The following DLGAP2 variants were observed in gnomAD, a reference collection of about 807,000 sequenced individuals.
The protein encoded by DLGAP2 is DLG associated protein 2, also known as disks large-associated protein 2.
Under a neutral mutation model 100.3 loss-of-function variants are expected in DLGAP2, and 26 were observed. The observed-to-expected ratio is 0.26, with a 90% CI of 0.19 to 0.36. DLGAP2 has a LOEUF of 0.36. Ranked by LOEUF, DLGAP2 falls within the 10% of genes least tolerant of loss-of-function variation. The probability of loss-of-function intolerance (pLI) is 1.00; values close to 1 mark genes in which losing one functional copy is unlikely to be tolerated. For missense variants in DLGAP2, 1,858 were observed against 1,453.2 expected, an observed-to-expected ratio of 1.28 and a Z score of -4.53; for synonymous variants, 886 against 630.1, an observed-to-expected ratio of 1.41 and a Z score of -6.08.
In DLGAP2 at chr8:1,264,647, T is replaced by A. The variant is rs567232589; in HGVS notation, c.106+5764T>A. Among the ~76,000 whole-genome samples the A allele has an allele frequency of 8.9e-4, 135 of 152,152 alleles. 3 individuals carry two copies. The highest frequency in any genetic ancestry group is 2.2e-4 in the Non-Finnish European group (15 of 68,010). On this transcript the variant is annotated intron_variant, in intron 3 of 14. Coordinates refer to ENST00000637795, the MANE Select transcript of DLGAP2 (RefSeq NM_001346810.2). ...AAATCACAAACTATGTACACAGAATTCTTGACAACATAGGGGTCAAAGGAC... is the reference window on the plus strand; with the variant it reads ...AAATCACAAACTATGTACACAGAATACTTGACAACATAGGGGTCAAAGGAC...
chr8:1,147,182 G>A (rs1466476229), intron 2 of DLGAP2, among the ~76,000 whole-genome samples: 4 of 152,112 alleles, frequency 2.6e-5, no homozygotes, highest in African/African-American at 9.7e-5. Context: ...ACAGTTTTCT[G>A]TGTATTTGTG....
At chr8:1,557,730 C>T (rs1039221639) in intron 5 of DLGAP2, among the ~76,000 whole-genome samples, 10 of 152,206 alleles carry the variant, frequency 6.6e-5, no homozygotes, top group African/African-American at 1.9e-4. Context: ...GGCACGCAGA[C>T]GCCGTCCTCT....
chr8:1,452,591 G>T (rs979600616), intron 3 of DLGAP2, among the ~76,000 whole-genome samples: 38 of 152,230 alleles, frequency 2.5e-4, no homozygotes, highest in African/African-American at 9.2e-4. Flanking sequence ...AAGGGTGGAG[G>T]CAGGACACAG....
chr8:1,698,781 G>C (rs528218866), intron 14 of DLGAP2, among the ~76,000 whole-genome samples: 2 of 150,724 alleles, frequency 1.3e-5, no homozygotes, highest in East Asian at 2.0e-4. Flanking sequence ...GTTTGGGACA[G>C]GTCTGTGTAA....
In DLGAP2 at chr8:958,915, T is replaced by C. The variant is rs148158071; in HGVS notation, c.73+50949T>C. ...GCAATGAGAACATAAGGTGGCTTGA[T>C]ATGATTTTATTAAAGAAAATTTAGA... is the stretch of plus-strand genomic sequence containing the variant. On this transcript the variant is annotated intron_variant, in intron 2 of 14. Transcript: ENST00000637795. 2.6e-4 allele frequency among the ~76,000 whole-genome samples: 39 copies of C among 152,324 alleles called. 1 individual carries two copies. In the East Asian group the frequency reaches 3.9e-3, roughly 15 times the overall value.
In DLGAP2 at chr8:993,456, CCATA is replaced by C; in HGVS notation, c.73+85492_73+85495del. ...CACCTTGCCCAGACCCCCTGCACCCCCATACTCGGAGTTCCTGTTCTTCTCTCCC... is the reference window on the plus strand; with the variant it reads ...CACCTTGCCCAGACCCCCTGCACCCCCTCGGAGTTCCTGTTCTTCTCTCCC... On this transcript the variant is annotated intron_variant, in intron 2 of 14. Transcript: ENST00000637795. Among the ~76,000 whole-genome samples the C allele has an allele frequency of 3.4e-5, 2 of 58,014 alleles. 1 individual carries two copies. Among genetic ancestry groups the C allele is most frequent in the South Asian group, 1.6e-3 (2 of 1,290 alleles). 38.1% of individuals were successfully genotyped at this position (58,014 alleles called of 152,430 possible). A position where few individuals can be genotyped will look rare whatever the true frequency, so the allele number is the denominator to read the frequency against.
intron 2 of DLGAP2, among the ~76,000 whole-genome samples, chr8:1,135,503 G>GTTTTTTTTTTTTTTTT (rs3080806): frequency 5.4e-4 from 50 of 92,232 alleles, no homozygotes; most frequent in Admixed American, 1.1e-3. Context: ...TTTTTTGTGG[G>GTTTTTTTTTTTTTTTT]TTTTTTTTTT....
At position 755,904 on chromosome 8, in the gene DLGAP2, G is replaced by C. The variant is rs536264603; in HGVS notation, c.18+18079G>C. 2.6e-5 allele frequency among the ~76,000 whole-genome samples: 4 copies of C among 152,326 alleles called. 1 individual carries two copies. The South Asian group carries it at 8.3e-4, about 32-fold the overall frequency. ...AGAAACCATGGCAGGGAAGGAGGCG[G>C]GTGGAGAGTGTGGGATAATGCTGGG... is the stretch of plus-strand genomic sequence containing the variant. On this transcript the variant is annotated intron_variant, in intron 1 of 14. Transcript: ENST00000637795.
chr8:1,441,789 T>C (rs1354082516), intron 3 of DLGAP2, among the ~76,000 whole-genome samples: 1 of 151,638 alleles, frequency 6.6e-6, no homozygotes, highest in Admixed American at 6.6e-5. Context: ...TGACCAGTTT[T>C]TTTTTTTTTA....
intron 2 of DLGAP2, among the ~76,000 whole-genome samples, chr8:1,088,916 C>T (rs1804074059): frequency 7.5e-6 from 1 of 133,290 alleles, no homozygotes. Context: ...TCACTCTCTC[C>T]ACCCCTCATC....
At chr8:1,508,789 T>C (rs1800048140) in intron 4 of DLGAP2, among the ~76,000 whole-genome samples, 2 of 150,686 alleles carry the variant, frequency 1.3e-5, no homozygotes, top group African/African-American at 4.9e-5. Flanking sequence ...GGCAAATGAG[T>C]GCGGACTAAG....
chr8:1,309,930 A>G (rs1368185097), intron 3 of DLGAP2, among the ~76,000 whole-genome samples: 2 of 152,148 alleles, frequency 1.3e-5, no homozygotes, highest in East Asian at 3.9e-4. Flanking sequence ...ACCCATCTTT[A>G]CTAAAAACAC....
chr8:843,938 T>C (rs544545750), intron 1 of DLGAP2, among the ~76,000 whole-genome samples: 2 of 152,360 alleles, frequency 1.3e-5, no homozygotes, highest in African/African-American at 4.8e-5. Context: ...CTTTAATGGA[T>C]TACTTAGGGG....
intron 2 of DLGAP2, chr8:1,002,238 G>C (rs1800981133): frequency 6.6e-6 from 1 of 152,156 alleles, no homozygotes; most frequent in Admixed American, 6.5e-5. Flanking sequence ...CAAAGGCACT[G>C]CTGCACAGAC....
intron 2 of DLGAP2, among the ~76,000 whole-genome samples, chr8:1,187,374 C>G (rs1396863292): frequency 6.9e-6 from 1 of 145,264 alleles, no homozygotes; most frequent in African/African-American, 2.6e-5. Context: ...CTCACACGCC[C>G]GGGACCTCCG....
intron 2 of DLGAP2, among the ~76,000 whole-genome samples, chr8:1,093,337 A>ACAGAAACACCTTCACACCAACAGC (rs1397694298): frequency 6.6e-6 from 1 of 151,072 alleles, no homozygotes; most frequent in Non-Finnish European, 1.5e-5. Flanking sequence ...CAACAGCCAG[A>ACAGAAACACCTTCACACCAACAGC]CAGAAACACC....
chr8:1,497,313 G>A (rs574879881), intron 3 of DLGAP2, among the ~76,000 whole-genome samples: 5 of 152,196 alleles, frequency 3.3e-5, no homozygotes, highest in Non-Finnish European at 4.4e-5. Context: ...ATGGGATAGC[G>A]TCCAGCCTCT....
intron 2 of DLGAP2, among the ~76,000 whole-genome samples, chr8:989,152 C>T (rs770157747): frequency 3.3e-5 from 5 of 152,172 alleles, no homozygotes; most frequent in African/African-American, 4.8e-5. Flanking sequence ...ACCACCTTGC[C>T]GTGTTCCACA....
chr8:960,235 A>ATTTTTTTTTTTTTTTTTTTTTTTT (rs1209692955), intron 2 of DLGAP2, among the ~76,000 whole-genome samples: 5 of 8,328 alleles, frequency 6.0e-4, no homozygotes, highest in African/African-American at 8.7e-4. Flanking sequence ...CCTGAAGTAT[A>ATTTTTTTTTTTTTTTTTTTTTTTT]TCTTTTTTTT....
Sources: gnomAD v4.1 joint callset for allele counts (sites outside exome capture counted in the v4.1 genomes callset) on GRCh38, gnomAD v4.1.1 for gene constraint, MANE v1.5 for transcripts, NCBI Gene and HGNC (gene_info 2026-07-23, HGNC 2026-07-21) for gene names.